The following PCCA variants were observed in gnomAD, a reference collection of about 807,000 sequenced individuals.
The protein encoded by PCCA is propionyl-CoA carboxylase subunit alpha, also known as propionyl-CoA carboxylase alpha chain, mitochondrial.
Under a neutral mutation model 101.3 loss-of-function variants are expected in PCCA, and 74 were observed. The observed-to-expected ratio is 0.73, with a 90% CI of 0.61 to 0.89. The LOEUF is 0.89. PCCA is among the 40% of genes least tolerant of loss of function. The pLI, the probability that PCCA is intolerant of heterozygous loss-of-function variation, is 0.00. For missense variants in PCCA, 891 were observed against 907.0 expected, an observed-to-expected ratio of 0.98 and a Z score of 0.23; for synonymous variants, 294 against 313.6, an observed-to-expected ratio of 0.94 and a Z score of 0.66.
chr13:100,496,734 TG>T (rs2085304504), intron 21 of PCCA, among the ~76,000 whole-genome samples: 1 of 152,152 alleles, frequency 6.6e-6, no homozygotes, highest in Non-Finnish European at 1.5e-5. Context: ...CAGGGTGCCT[TG>T]GGAGCCAGTA....
intron 12 of PCCA, among the ~76,000 whole-genome samples, chr13:100,300,483 G>A (rs1213439015): frequency 6.6e-6 from 1 of 152,166 alleles, no homozygotes; most frequent in Non-Finnish European, 1.5e-5. Flanking sequence ...TCCTGTGTCA[G>A]AGTGTATGAA....
At chr13:100,501,825 G>C (rs1188728546) in intron 21 of PCCA, among the ~76,000 whole-genome samples, 1 of 152,130 alleles carries the variant, frequency 6.6e-6, no homozygotes, top group African/African-American at 2.4e-5. Context: ...GCTGAGCTGA[G>C]ATCGTGCCGC....
At chr13:100,239,914 C>G (rs928780523) in intron 8 of PCCA, among the ~76,000 whole-genome samples, 1 of 152,096 alleles carries the variant, frequency 6.6e-6, no homozygotes, top group Non-Finnish European at 1.5e-5. Context: ...AATGTCACCC[C>G]TTTCAGTCAG....
At chr13:100,244,956 T>TGC (rs2061351934) in intron 8 of PCCA, among the ~76,000 whole-genome samples, 1 of 136,062 alleles carries the variant, frequency 7.3e-6, no homozygotes, top group South Asian at 2.8e-4. Flanking sequence ...TGTGTGTGTG[T>TGC]GTGTGTGTGC....
intron 21 of PCCA, among the ~76,000 whole-genome samples, chr13:100,470,515 A>G (rs1036597139): frequency 6.6e-6 from 1 of 151,906 alleles, no homozygotes; most frequent in Admixed American, 6.6e-5. Flanking sequence ...TTTGTACAAG[A>G]CCCCCTAAGA....
At chr13:100,263,703 GCTAGCAGGCTTTGTTTTTTGCCTT>G (rs2062684357) in intron 10 of PCCA, among the ~76,000 whole-genome samples, 2 of 151,970 alleles carry the variant, frequency 1.3e-5, no homozygotes, top group Non-Finnish European at 2.9e-5. Context: ...TCTTTCTGAG[GCTAGCAGGCTTTGTTTTTTGCCTT>G]TTTAAAAAGA....
intron 8 of PCCA, among the ~76,000 whole-genome samples, chr13:100,245,976 C>T (rs1349416575): frequency 6.6e-6 from 1 of 152,194 alleles, no homozygotes; most frequent in Non-Finnish European, 1.5e-5. Context: ...TCAACAAAGC[C>T]ATCAGCTAAT....
chr13:100,419,480 A>G (rs1023379471), intron 19 of PCCA, among the ~76,000 whole-genome samples: 1 of 152,110 alleles, frequency 6.6e-6, no homozygotes, highest in African/African-American at 2.4e-5. Flanking sequence ...TCAAAAAAAA[A>G]AAAAAGAAAA....
intron 6 of PCCA, among the ~76,000 whole-genome samples, chr13:100,189,509 A>G (rs1280172997): frequency 1.3e-5 from 2 of 151,972 alleles, no homozygotes; most frequent in African/African-American, 4.8e-5. Flanking sequence ...CGTTTGTTGG[A>G]TGTTTAGATT....
intron 9 of PCCA, among the ~76,000 whole-genome samples, chr13:100,258,126 A>G (rs2062200297): frequency 6.6e-6 from 1 of 152,214 alleles, no homozygotes. Flanking sequence ...AATTACTTTG[A>G]TAATTTTAGA....
At chr13:100,280,616 A>T (rs1370291509) in intron 12 of PCCA, among the ~76,000 whole-genome samples, 1 of 152,094 alleles carries the variant, frequency 6.6e-6, no homozygotes, top group Admixed American at 6.5e-5. Flanking sequence ...GAACTACTCT[A>T]CGGACACTAG....
intron 12 of PCCA, among the ~76,000 whole-genome samples, chr13:100,288,850 C>T (rs2064903814): frequency 6.6e-6 from 1 of 151,620 alleles, no homozygotes; most frequent in African/African-American, 2.4e-5. Flanking sequence ...GTGTCTGTCT[C>T]ACTTTCTTTT....
intron 16 of PCCA, among the ~76,000 whole-genome samples, chr13:100,322,326 A>C (rs912370793): frequency 1.3e-5 from 2 of 152,120 alleles, no homozygotes; most frequent in African/African-American, 4.8e-5. Flanking sequence ...TTAGTTTGTC[A>C]TGCCTACCTA....
At chr13:100,369,529 G>GT (rs1042457478) in intron 19 of PCCA, among the ~76,000 whole-genome samples, 1 of 152,194 alleles carries the variant, frequency 6.6e-6, no homozygotes, top group African/African-American at 2.4e-5. Flanking sequence ...CACCAGATCA[G>GT]TTCCAAGCTG....
At chr13:100,219,984 A>G (rs2059722181) in intron 7 of PCCA, among the ~76,000 whole-genome samples, 1 of 152,146 alleles carries the variant, frequency 6.6e-6, no homozygotes, top group African/African-American at 2.4e-5. Flanking sequence ...TTGTTTGACA[A>G]TGTGGTGCCT....
chr13:100,525,014 TAGATAGATAGATAGAC>T lies in PCCA; in HGVS notation c.2041-2657_2041-2642del, dbSNP rs1271133946. 4.6e-3 allele frequency among the ~76,000 whole-genome samples: 686 copies of T among 148,754 alleles called. 9 individuals are homozygous for T. Among genetic ancestry groups the T allele is most frequent in the African/African-American group, 0.017 (662 of 38,926 alleles). ...ATAGATAGATAGATAGATAGATAGATAGATAGATAGATAGACAGACAGACAGGCAGATAAGATAGAT... is the reference window on the plus strand; with the variant it reads ...ATAGATAGATAGATAGATAGATAGATAGACAGACAGGCAGATAAGATAGAT... On this transcript the variant is annotated intron_variant, in intron 22 of 23. Coordinates refer to ENST00000376285, the MANE Select transcript of PCCA (RefSeq NM_000282.4).
chr13:100,105,433 G>A (rs2047660808), intron 2 of PCCA, among the ~76,000 whole-genome samples: 2 of 152,016 alleles, frequency 1.3e-5, no homozygotes, highest in African/African-American at 4.8e-5. Flanking sequence ...ACTAACATTT[G>A]TTGAAGAGGA....
At chr13:100,268,624 A>C in intron 10 of PCCA, 65 bp from the exon 11 acceptor site, 1 of 1,136,256 alleles carries the variant, frequency 8.8e-7, no homozygotes, top group South Asian at 1.2e-5. Flanking sequence ...CATGCGGAAA[A>C]TATTAACCAT....
At chr13:100,119,777 G>A (rs2049183420) in intron 4 of PCCA, among the ~76,000 whole-genome samples, 3 of 152,058 alleles carry the variant, frequency 2.0e-5, no homozygotes, top group East Asian at 1.9e-4. Flanking sequence ...TTCTCTGATC[G>A]TTAAAACCCA....
Sources: gnomAD v4.1 joint callset for allele counts (sites outside exome capture counted in the v4.1 genomes callset) on GRCh38, gnomAD v4.1.1 for gene constraint, MANE v1.5 for transcripts, NCBI Gene and HGNC (gene_info 2026-07-23, HGNC 2026-07-21) for gene names.